TENM3: variants seen among roughly 807,000 people sequenced by gnomAD.
TENM3 encodes teneurin-3.
TENM3 carries 63 observed loss-of-function variants against 255.1 expected under a neutral mutation model. The observed-to-expected ratio is 0.25, with a 90% CI of 0.20 to 0.30. TENM3 has a LOEUF of 0.30. Ranked by LOEUF, TENM3 falls within the 10% of genes least tolerant of loss-of-function variation. The pLI, the probability that TENM3 is intolerant of heterozygous loss-of-function variation, is 1.00. For synonymous variants in TENM3, 1,306 were observed against 1,322.3 expected (o/e 0.99, Z 0.27); for missense variants, 2,929 against 3,461.1 (o/e 0.85, Z 3.86).
the TENM3 span, among the ~76,000 whole-genome samples, chr4:182,098,854 A>C: frequency 6.6e-6 from 1 of 152,174 alleles, no homozygotes; most frequent in Admixed American, 6.5e-5. Context: ...AAAATGATAA[A>C]TAAGTGAGGT....
rs1425670745 is a variant in TENM3, at chr4:182,210,013, CCCTCCCCAG to C, written c.-76+65266_-76+65274del. On this transcript the variant is annotated intron_variant, in intron 1 of 2. Transcript: ENST00000512480. The stretch of plus-strand genomic sequence containing the variant: ...TCCCCACAGCATCCACAACCTCCAG[CCCTCCCCAG>C]CCTCCCTGTGCCGCATCCTCCGCCA... 2.0e-5 allele frequency among the ~76,000 whole-genome samples: 3 copies of C among 152,146 alleles called. 1 individual carries two copies. Among genetic ancestry groups the C allele is most frequent in the Admixed American group, 2.0e-4 (3 of 15,284 alleles).
At chr4:182,767,997 G>A (rs1763867959) in intron 22 of TENM3, among the ~76,000 whole-genome samples, 1 of 152,274 alleles carries the variant, frequency 6.6e-6, no homozygotes, top group African/African-American at 2.4e-5. Context: ...GTGTGGGGAG[G>A]GCATTGCCGC....
At chr4:182,682,688 A>T (rs1200928374) in intron 11 of TENM3, among the ~76,000 whole-genome samples, 2 of 152,136 alleles carry the variant, frequency 1.3e-5, no homozygotes, top group Non-Finnish European at 2.9e-5. Context: ...ATACATGCAC[A>T]TACTCACATA....
At chr4:181,675,813 T>C in the TENM3 span, among the ~76,000 whole-genome samples, 1 of 112,060 alleles carries the variant, frequency 8.9e-6, no homozygotes, top group African/African-American at 3.3e-5. Flanking sequence ...AGAAATATAG[T>C]TGAACTTCTT....
Position 182,150,159 on chromosome 4 carries a change from T to A in TENM3, c.-76+5405T>A, listed in dbSNP as rs185261447. Among the ~76,000 whole-genome samples, 412 of 151,750 alleles carry A rather than the reference T, an allele frequency of 2.7e-3. 3 individuals carry two copies. Among genetic ancestry groups the A allele is most frequent in the Non-Finnish European group, 4.5e-3 (304 of 67,862 alleles). ...AATAACCAGCTATTTTATAACTGGG[T>A]CTACTTGGTGTCTGCCTCAAAACCA... On this transcript the variant is annotated intron_variant, in intron 1 of 2. Transcript: ENST00000512480.
Position 182,753,014 on chromosome 4 carries a change from T to C in TENM3, c.3863-436T>C, listed in dbSNP as rs369081364. The stretch of plus-strand genomic sequence containing the variant: ...CAGGCTGGAGAGCAATGGTGCGATC[T>C]CGGCTCACTGCAACCTCCGCCTCCC... On this transcript the variant is annotated intron_variant, in intron 20 of 27. Coordinates refer to ENST00000511685, the MANE Select transcript of TENM3 (RefSeq NM_001080477.4). Among the ~76,000 whole-genome samples the C allele has an allele frequency of 1.8e-3, 262 of 149,360 alleles. 1 individual carries two copies. The highest frequency in any genetic ancestry group is 5.8e-3 in the African/African-American group (234 of 40,506).
At chr4:181,960,385 C>T in the TENM3 span, among the ~76,000 whole-genome samples, 4 of 152,044 alleles carry the variant, frequency 2.6e-5, no homozygotes, top group East Asian at 1.9e-4. Flanking sequence ...GGATAAGGAG[C>T]GACCTACCTC....
the TENM3 span, among the ~76,000 whole-genome samples, chr4:181,622,901 T>C: frequency 6.6e-6 from 1 of 152,278 alleles, no homozygotes; most frequent in South Asian, 2.1e-4. Flanking sequence ...CAGAATTAAT[T>C]CTTAACTGAG....
At chr4:181,605,490 GAAA>G in the TENM3 span, among the ~76,000 whole-genome samples, 1 of 7,344 alleles carries the variant, frequency 1.4e-4, no homozygotes, top group African/African-American at 4.2e-4. Context: ...GAGAAAGAAA[GAAA>G]GAAAGAAAGA....
chr4:181,553,686 C>T, the TENM3 span, among the ~76,000 whole-genome samples: 1 of 152,192 alleles, frequency 6.6e-6, no homozygotes, highest in South Asian at 2.1e-4. Context: ...CGTGATCTGC[C>T]CGCCTCGGCC....
chr4:181,651,862 G>T, the TENM3 span, among the ~76,000 whole-genome samples: 1 of 152,078 alleles, frequency 6.6e-6, no homozygotes, highest in East Asian at 1.9e-4. Flanking sequence ...TGATCTGACT[G>T]TATTGATTGC....
chr4:182,696,656 CAG>C (rs1757448005), intron 12 of TENM3, among the ~76,000 whole-genome samples: 1 of 151,578 alleles, frequency 6.6e-6, no homozygotes, highest in African/African-American at 2.4e-5. Context: ...ACCAGGGAGT[CAG>C]AGGTTGCAGT....
At chr4:182,663,696 A>AT (rs1581248706) in intron 6 of TENM3, among the ~76,000 whole-genome samples, 1 of 152,142 alleles carries the variant, frequency 6.6e-6, no homozygotes. Context: ...CAATGGGAGG[A>AT]TTTTTTTAAG....
At chr4:182,132,388 G>A in the TENM3 span, among the ~76,000 whole-genome samples, 1 of 152,036 alleles carries the variant, frequency 6.6e-6, no homozygotes, top group Non-Finnish European at 1.5e-5. Context: ...GGAGGCTGAG[G>A]CAGAGAATTG....
At position 182,800,595 on chromosome 4, in the gene TENM3, G is replaced by GA. The variant is rs1579567391; in HGVS notation, c.*244_*245insA. 15 of 401,600 alleles carry GA rather than the reference G, an allele frequency of 3.7e-5. No individual in the cohort carries two copies. In the East Asian group the frequency reaches 5.3e-4, roughly 14 times the overall value. The allele number at this position is 401,600 out of a possible 1,614,324, so 24.9% of individuals were successfully genotyped here. A position where few individuals can be genotyped will look rare whatever the true frequency, so the allele number is the denominator to read the frequency against. On this transcript the variant is annotated 3_prime_UTR_variant, in exon 28 of 28. Transcript: ENST00000511685. ...CTCAGTCGGACTGAACGTAGCCAGAGGAAAAAAAAATCATCAAGGACAAAG... is the reference window on the plus strand; with the variant it reads ...CTCAGTCGGACTGAACGTAGCCAGAGAGAAAAAAAAATCATCAAGGACAAAG...
At chr4:181,869,911 C>T in the TENM3 span, among the ~76,000 whole-genome samples, 1 of 152,046 alleles carries the variant, frequency 6.6e-6, no homozygotes, top group African/African-American at 2.4e-5. Flanking sequence ...CAGAAGTAGA[C>T]ACATGGAAAT....
the TENM3 span, among the ~76,000 whole-genome samples, chr4:181,622,686 A>G: frequency 6.6e-6 from 1 of 152,154 alleles, no homozygotes; most frequent in Non-Finnish European, 1.5e-5. Flanking sequence ...AAAAATAAAT[A>G]AATAAATATG....
At chr4:181,812,476 C>T in the TENM3 span, among the ~76,000 whole-genome samples, 11 of 152,264 alleles carry the variant, frequency 7.2e-5, no homozygotes, top group Admixed American at 2.0e-4. Context: ...ATAGAGAGTT[C>T]GACCCAAAGG....
At chr4:181,634,581 A>G in the TENM3 span, among the ~76,000 whole-genome samples, 1 of 152,086 alleles carries the variant, frequency 6.6e-6, no homozygotes, top group East Asian at 1.9e-4. Context: ...GAGGTAACTA[A>G]GGATACATAT....
Sources: allele counts gnomAD v4.1 joint callset (sites outside exome capture counted in the v4.1 genomes callset), GRCh38; gene constraint gnomAD v4.1.1; transcripts MANE v1.5; gene names NCBI Gene and HGNC (gene_info 2026-07-23, HGNC 2026-07-21).